KAT6B: variants seen among roughly 807,000 people sequenced by gnomAD.
KAT6B encodes histone acetyltransferase KAT6B.
A neutral mutation model predicts 187.5 loss-of-function variants in KAT6B; 10 were observed. The ratio of observed to expected loss-of-function variants is 0.05; its 90% CI spans 0.03 to 0.09. The LOEUF (loss-of-function observed/expected upper bound fraction) is 0.09. Among genes scored for constraint, KAT6B ranks in the 10% least tolerant of loss-of-function variants. The pLI, the probability that KAT6B is intolerant of heterozygous loss-of-function variation, is 1.00. For missense variants in KAT6B, 1,952 were observed against 2,558.9 expected (o/e 0.76, Z 5.12); for synonymous variants, 861 against 926.8 (o/e 0.93, Z 1.29).
intron 3 of KAT6B, among the ~76,000 whole-genome samples, chr10:74,880,453 A>G (rs1844764562): frequency 6.6e-6 from 1 of 152,246 alleles, no homozygotes; most frequent in Non-Finnish European, 1.5e-5. Context: ...GTATGGATAT[A>G]CCACATTTTA....
chr10:74,883,843 C>T (rs1845042487), intron 3 of KAT6B, among the ~76,000 whole-genome samples: 2 of 152,164 alleles, frequency 1.3e-5, no homozygotes, highest in African/African-American at 4.8e-5. Flanking sequence ...GCTTCTTAGC[C>T]CTCTCATTGC....
intron 4 of KAT6B, among the ~76,000 whole-genome samples, chr10:74,967,476 C>T (rs546740444): frequency 2.4e-4 from 37 of 152,252 alleles, no homozygotes; most frequent in Admixed American, 1.9e-3. Flanking sequence ...AGACACGTTA[C>T]GGTCTTTTGT....
chr10:74,886,554 G>C (rs1204296500), intron 3 of KAT6B, among the ~76,000 whole-genome samples: 2 of 152,064 alleles, frequency 1.3e-5, no homozygotes, highest in African/African-American at 4.8e-5. Context: ...CTTCCTCTCC[G>C]CTCCCCCGTG....
At chr10:74,858,041 GA>G (rs1842927058) in intron 3 of KAT6B, among the ~76,000 whole-genome samples, 1 of 151,820 alleles carries the variant, frequency 6.6e-6, no homozygotes, top group Non-Finnish European at 1.5e-5. Flanking sequence ...AAAAAAAAAG[GA>G]AAAAATAACC....
chr10:74,854,795 T>A (rs1842709518), intron 3 of KAT6B, among the ~76,000 whole-genome samples: 1 of 152,210 alleles, frequency 6.6e-6, no homozygotes, highest in Non-Finnish European at 1.5e-5. Flanking sequence ...ATGTTTTGGC[T>A]CTATTTTGTC....
chr10:74,949,678 G>A (rs58499280), intron 3 of KAT6B, among the ~76,000 whole-genome samples: 8 of 151,864 alleles, frequency 5.3e-5, no homozygotes, highest in Admixed American at 4.6e-4. Flanking sequence ...TCCTTCTCTC[G>A]TCTTACTCCG....
At chr10:75,009,679 C>A (rs779278885) in intron 13 of KAT6B, among the ~76,000 whole-genome samples, 13 of 152,148 alleles carry the variant, frequency 8.5e-5, no homozygotes, top group Non-Finnish European at 1.9e-4. Context: ...TCTACTGTAG[C>A]CAGTTTGGAC....
At chr10:74,944,562 C>A (rs538802467) in intron 3 of KAT6B, among the ~76,000 whole-genome samples, 2 of 152,198 alleles carry the variant, frequency 1.3e-5, no homozygotes, top group East Asian at 1.9e-4. Flanking sequence ...TGTAATCCAG[C>A]ACTTTGGGAG....
intron 2 of KAT6B, among the ~76,000 whole-genome samples, chr10:74,842,036 C>A (rs1841778178): frequency 6.6e-6 from 1 of 152,174 alleles, no homozygotes; most frequent in South Asian, 2.1e-4. Flanking sequence ...GTATTATTTT[C>A]AGTTTTCCAA....
At chr10:74,953,438 C>T (rs1032749190) in intron 3 of KAT6B, among the ~76,000 whole-genome samples, 6 of 152,066 alleles carry the variant, frequency 3.9e-5, no homozygotes, top group East Asian at 1.9e-4. Flanking sequence ...TTTAACAACC[C>T]GAGAGCTAGA....
intron 12 of KAT6B, among the ~76,000 whole-genome samples, chr10:74,986,055 C>G (rs530423176): frequency 6.9e-4 from 105 of 152,138 alleles, no homozygotes; most frequent in African/African-American, 2.5e-3. Context: ...AAAAACAAAA[C>G]AAAACAAAAC....
chr10:74,913,643 G>A (rs1399447343), intron 3 of KAT6B, among the ~76,000 whole-genome samples: 2 of 152,204 alleles, frequency 1.3e-5, no homozygotes, highest in African/African-American at 2.4e-5. Context: ...ATTATTCGAT[G>A]TTAGTCCAGC....
chr10:74,970,231 C>A, intron 6 of KAT6B, 130 bp downstream of exon 6: 2 of 692,842 alleles, frequency 2.9e-6, no homozygotes, highest in South Asian at 3.1e-5. Flanking sequence ...CCCTATACTT[C>A]TGAGTTTAGC....
At chr10:75,020,327 A>G (rs1302686543) in intron 13 of KAT6B, among the ~76,000 whole-genome samples, 3 of 152,244 alleles carry the variant, frequency 2.0e-5, no homozygotes, top group African/African-American at 4.8e-5. Flanking sequence ...TTTGTTAAAT[A>G]TGTCACAATA....
intron 3 of KAT6B, among the ~76,000 whole-genome samples, chr10:74,916,932 T>C (rs1847733061): frequency 6.6e-6 from 1 of 152,162 alleles, no homozygotes; most frequent in Non-Finnish European, 1.5e-5. Context: ...GGCAAAACCC[T>C]GTCTCTACAA....
chr10:74,828,095 G>A (rs1046790391), intron 1 of KAT6B, among the ~76,000 whole-genome samples: 1 of 152,170 alleles, frequency 6.6e-6, no homozygotes, highest in Non-Finnish European at 1.5e-5. Context: ...GTACTTTGCT[G>A]TGGGCAGAGT....
intron 1 of KAT6B, among the ~76,000 whole-genome samples, chr10:74,833,299 ATTTCTTAAG>A (rs1841020864): frequency 6.6e-6 from 1 of 152,188 alleles, no homozygotes; most frequent in Admixed American, 6.5e-5. Flanking sequence ...TTAGTTGATT[ATTTCTTAAG>A]TGAAAGTGCT....
At position 75,029,106 on chromosome 10, in the gene KAT6B, G is replaced by A. The variant is rs1033259188; in HGVS notation, c.4282G>A (p.Asp1428Asn). Residue 1428 changes from aspartate to asparagine, a missense_variant, in exon 18 of 18, where the codon GAC becomes AAC. Around this residue, in one of 9 missense-constraint regions of KAT6B, gnomAD observed 758 missense variants for 891.4 expected, o/e 0.85. Coordinates refer to ENST00000287239, the MANE Select transcript of KAT6B (RefSeq NM_012330.4). This position sits in a 1 kb window ranked among gnomAD's most constrained non-coding sequence, Gnocchi z 6.2. ...CCACAACGAGGACCATGATGCCGAT[G>A]ACGAGGATGACAGCCACATGGAGTC... ...PSHNEDHDAD[D>N]EDDSHMESAE... 2 of 1,614,058 alleles carry A rather than the reference G, an allele frequency of 1.2e-6. No homozygotes were observed. Among genetic ancestry groups the A allele is most frequent in the Admixed American group, 1.7e-5 (1 of 60,006 alleles).
At chr10:75,017,568 C>T (rs911160767) in intron 13 of KAT6B, among the ~76,000 whole-genome samples, 1 of 152,066 alleles carries the variant, frequency 6.6e-6, no homozygotes, top group Non-Finnish European at 1.5e-5. Context: ...GAGCCCATAT[C>T]GCACCATTGC....
Sources: gnomAD v4.1 joint callset for allele counts (sites outside exome capture counted in the v4.1 genomes callset) on GRCh38, gnomAD v4.1.1 for gene constraint, gnomAD v4.1.1 regional missense constraint, Gnocchi (gnomAD v3.1) non-coding constraint, MANE v1.5 for transcripts, NCBI Gene and HGNC (gene_info 2026-07-23, HGNC 2026-07-21) for gene names.